The following NAALAD2 variants were observed in gnomAD, a reference collection of about 807,000 sequenced individuals.
NAALAD2 encodes N-acetylated alpha-linked acidic dipeptidase 2, also known as N-acetylated-alpha-linked acidic dipeptidase 2.
A neutral mutation model predicts 95.6 loss-of-function variants in NAALAD2; 89 were observed. That is an observed-to-expected ratio of 0.93 (90% CI 0.78 to 1.11). The LOEUF is 1.11. Among genes scored for constraint, NAALAD2 ranks in the 50% least tolerant of loss-of-function variants. The probability of loss-of-function intolerance (pLI) is 0.00; values close to 1 mark genes in which losing one functional copy is unlikely to be tolerated. For missense variants in NAALAD2, 894 were observed against 872.4 expected (o/e 1.02, Z -0.31); for synonymous variants, 264 against 294.4 (o/e 0.90, Z 1.06).
chr11:90,168,045 C>T (rs1266265133), intron 11 of NAALAD2, among the ~76,000 whole-genome samples: 2 of 152,158 alleles, frequency 1.3e-5, no homozygotes, highest in African/African-American at 4.8e-5. Context: ...CTCCTTGGGT[C>T]CACACTGCCT....
intron 17 of NAALAD2, among the ~76,000 whole-genome samples, chr11:90,182,112 A>G (rs532025388): frequency 1.9e-4 from 29 of 152,110 alleles, no homozygotes; most frequent in African/African-American, 7.0e-4. Context: ...TTTGTAATAT[A>G]TTTTACTAGT....
At chr11:90,161,327 T>C (rs1952291871) in intron 8 of NAALAD2, among the ~76,000 whole-genome samples, 1 of 152,202 alleles carries the variant, frequency 6.6e-6, no homozygotes, top group Non-Finnish European at 1.5e-5. Flanking sequence ...TTAACTTCTC[T>C]TTACAGAGCT....
At chr11:90,185,389 G>A (rs1243872151) in intron 18 of NAALAD2, among the ~76,000 whole-genome samples, 1 of 151,804 alleles carries the variant, frequency 6.6e-6, no homozygotes, top group Non-Finnish European at 1.5e-5. Flanking sequence ...ATGTATCTTA[G>A]GCTGGGTGAG....
chr11:90,163,710 C>T (rs1218098440), intron 11 of NAALAD2, 93 bp downstream of exon 11: 12 of 1,134,700 alleles, frequency 1.1e-5, no homozygotes, highest in Non-Finnish European at 1.6e-5. Context: ...TATTCCATTA[C>T]CTAATATGGT....
At chr11:90,165,520 C>G (rs1412883762) in intron 11 of NAALAD2, among the ~76,000 whole-genome samples, 1 of 152,100 alleles carries the variant, frequency 6.6e-6, no homozygotes, top group Non-Finnish European at 1.5e-5. Context: ...CTCAGTTTCT[C>G]TTACATTAGT....
chr11:90,175,729 G>T (rs191151474), intron 14 of NAALAD2, among the ~76,000 whole-genome samples: 1 of 152,110 alleles, frequency 6.6e-6, no homozygotes, highest in Non-Finnish European at 1.5e-5. Flanking sequence ...TGGTGCAAAA[G>T]TATTTGCAGT....
At chr11:90,179,851 T>C (rs1952909968) in intron 16 of NAALAD2, among the ~76,000 whole-genome samples, 1 of 152,112 alleles carries the variant, frequency 6.6e-6, no homozygotes, top group African/African-American at 2.4e-5. Context: ...GAGGCCTGGT[T>C]TGATCTGTTA....
intron 11 of NAALAD2, among the ~76,000 whole-genome samples, chr11:90,167,954 C>G (rs1048987209): frequency 2.0e-5 from 3 of 152,184 alleles, no homozygotes; most frequent in Admixed American, 6.5e-5. Context: ...GCTGCCGGAG[C>G]AGCAGTGGCA....
intron 2 of NAALAD2, among the ~76,000 whole-genome samples, chr11:90,137,808 G>A (rs1160980305): frequency 1.3e-5 from 2 of 151,796 alleles, no homozygotes; most frequent in Admixed American, 6.6e-5. Context: ...TTTTGTTGTT[G>A]TTGTTGTTGT....
chr11:90,190,322 A>G (rs1402054965), intron 18 of NAALAD2, among the ~76,000 whole-genome samples: 1 of 152,184 alleles, frequency 6.6e-6, no homozygotes, highest in Non-Finnish European at 1.5e-5. Flanking sequence ...GATAGTAAAT[A>G]TGCTAGTATT....
intron 12 of NAALAD2, 23 bp from the exon 13 acceptor site, chr11:90,170,046 T>A: frequency 7.3e-7 from 1 of 1,361,744 alleles, no homozygotes; most frequent in Non-Finnish European, 1.1e-6. Flanking sequence ...GAAATAATAC[T>A]CTGTGTCTTA....
chr11:90,147,332 C>A lies in NAALAD2; in HGVS notation c.197C>A (p.Ser66Tyr), dbSNP rs576328567. Residue 66 changes from serine to tyrosine, a missense_variant and splice_region_variant, in exon 3 of 19, where the codon TCT (serine) becomes TAT (tyrosine). Ser to Tyr is a moderately radical substitution (Grantham distance 144). Coordinates refer to ENST00000534061, the MANE Select transcript of NAALAD2 (RefSeq NM_005467.4). Reference protein sequence around the residue: ...KAENIKSFLRSFTKLPHLAGT... With the variant: ...KAENIKSFLRYFTKLPHLAGT... Reference sequence around the variant, plus strand: ...CTTATGTTTTATTTTCATTTTAGTTCTTTTACAAAGCTTCCTCATCTGGCA... The same window carrying A: ...CTTATGTTTTATTTTCATTTTAGTTATTTTACAAAGCTTCCTCATCTGGCA... 12 of 1,611,472 alleles carry A rather than the reference C, an allele frequency of 7.4e-6. No homozygotes were observed. The highest frequency in any genetic ancestry group is 9.3e-6 in the Non-Finnish European group (11 of 1,178,926).
chr11:90,159,687 C>T (rs1228043841), intron 8 of NAALAD2, among the ~76,000 whole-genome samples: 1 of 151,980 alleles, frequency 6.6e-6, no homozygotes, highest in Non-Finnish European at 1.5e-5. Context: ...TGTGGTGGCT[C>T]ACACCTGGAA....
At chr11:90,144,167 G>T (rs1273931949) in intron 2 of NAALAD2, among the ~76,000 whole-genome samples, 1 of 152,052 alleles carries the variant, frequency 6.6e-6, no homozygotes, top group East Asian at 1.9e-4. Context: ...GGGATAGAGG[G>T]AAATACACCA....
At chr11:90,153,003 A>G (rs1951930054) in intron 6 of NAALAD2, among the ~76,000 whole-genome samples, 1 of 152,158 alleles carries the variant, frequency 6.6e-6, no homozygotes, top group Non-Finnish European at 1.5e-5. Flanking sequence ...GTCTCTTTAT[A>G]TTCCCACCCT....
chr11:90,190,769 GTCATTAA>G (rs141828231), intron 18 of NAALAD2, among the ~76,000 whole-genome samples: 1,839 of 152,134 alleles, frequency 0.012, 40 homozygotes, highest in African/African-American at 0.042. Context: ...TTATAGATTT[GTCATTAA>G]TCATTAATCA....
intron 6 of NAALAD2, among the ~76,000 whole-genome samples, chr11:90,155,796 T>C (rs919911696): frequency 2.1e-4 from 28 of 134,892 alleles, no homozygotes; most frequent in Non-Finnish European, 3.5e-4. Context: ...TACATACATA[T>C]TACACATATA....
chr11:90,171,093 G>C (rs922353139), intron 13 of NAALAD2, among the ~76,000 whole-genome samples: 1 of 152,132 alleles, frequency 6.6e-6, no homozygotes, highest in African/African-American at 2.4e-5. Context: ...AATATTAAAT[G>C]AGTTATAGAT....
At chr11:90,157,474 G>GT (rs536627337) in intron 6 of NAALAD2, among the ~76,000 whole-genome samples, 6 of 151,312 alleles carry the variant, frequency 4.0e-5, no homozygotes, top group East Asian at 1.9e-4. Flanking sequence ...ATGTTCTCTT[G>GT]TTTTTTTTCC....
Sources: allele counts gnomAD v4.1 joint callset (sites outside exome capture counted in the v4.1 genomes callset), GRCh38; gene constraint gnomAD v4.1.1; transcripts MANE v1.5; gene names NCBI Gene and HGNC (gene_info 2026-07-23, HGNC 2026-07-21).